The following WNK1 variants were observed in gnomAD, a reference collection of about 807,000 sequenced individuals.
WNK1 encodes WNK lysine deficient protein kinase 1, also known as serine/threonine-protein kinase WNK1.
WNK1 carries 38 observed loss-of-function variants against 222.8 expected under a neutral mutation model. The observed-to-expected ratio is 0.17, with a 90% CI of 0.13 to 0.22. The LOEUF is 0.22. Ranked by LOEUF, WNK1 falls within the 10% of genes least tolerant of loss-of-function variation. The probability of loss-of-function intolerance (pLI) is 1.00; values close to 1 mark genes in which losing one functional copy is unlikely to be tolerated. For missense variants in WNK1, 2,348 were observed against 2,918.4 expected (o/e 0.80, Z 4.50); for synonymous variants, 1,090 against 1,092.9 (o/e 1.00, Z 0.05).
At chr12:839,884 AT>A (rs781052888) in intron 4 of WNK1, among the ~76,000 whole-genome samples, 6,931 of 128,398 alleles carry the variant, frequency 0.054, 316 homozygotes, top group African/African-American at 0.12. Flanking sequence ...TGCCTGGCTA[AT>A]TTTTTTTTTT....
intron 22 of WNK1, among the ~76,000 whole-genome samples, chr12:893,892 T>C (rs190343575): frequency 3.7e-4 from 56 of 149,842 alleles, no homozygotes; most frequent in African/African-American, 1.3e-3. Flanking sequence ...CAGTGTTACA[T>C]TGAGAAAATA....
chr12:788,777 C>T (rs2153977763), intron 1 of WNK1, among the ~76,000 whole-genome samples: 1 of 151,796 alleles, frequency 6.6e-6, no homozygotes, highest in African/African-American at 2.4e-5. Context: ...ATCCCAGCTA[C>T]CCAGGAGGCT....
intron 1 of WNK1, among the ~76,000 whole-genome samples, chr12:760,996 G>C (rs1425333385): frequency 2.1e-5 from 3 of 144,804 alleles, no homozygotes; most frequent in African/African-American, 7.4e-5. Flanking sequence ...TGTTGGACAG[G>C]CTGGTCTCAA....
At chr12:902,358 G>C (rs1955340327) in intron 26 of WNK1, among the ~76,000 whole-genome samples, 1 of 152,054 alleles carries the variant, frequency 6.6e-6, no homozygotes, top group African/African-American at 2.4e-5. Flanking sequence ...CTTAGATCCT[G>C]GCAGCAGGTA....
At chr12:867,569 TA>T (rs1210912750) in intron 8 of WNK1, among the ~76,000 whole-genome samples, 3 of 152,224 alleles carry the variant, frequency 2.0e-5, no homozygotes, top group Non-Finnish European at 4.4e-5. Context: ...TAAGTGTGGG[TA>T]AAAACGAAAT....
intron 1 of WNK1, 114 bp from the exon 2 acceptor site, chr12:813,528 C>T: frequency 8.8e-7 from 1 of 1,139,592 alleles, no homozygotes. Flanking sequence ...TCAGCATTTG[C>T]ATTTTTTAAA....
At chr12:893,145 T>C (rs1353342004) in intron 22 of WNK1, among the ~76,000 whole-genome samples, 3 of 152,228 alleles carry the variant, frequency 2.0e-5, no homozygotes, top group Non-Finnish European at 4.4e-5. Flanking sequence ...TTGTTCTAGC[T>C]TCTCAGGAGG....
chr12:817,087 T>G (rs944556506), intron 2 of WNK1, among the ~76,000 whole-genome samples: 1 of 152,118 alleles, frequency 6.6e-6, no homozygotes, highest in African/African-American at 2.4e-5. Flanking sequence ...CTGAATTGAA[T>G]TGACAGGAAT....
intron 4 of WNK1, among the ~76,000 whole-genome samples, chr12:834,406 T>A (rs1949028794): frequency 6.6e-6 from 1 of 152,202 alleles, no homozygotes; most frequent in Admixed American, 6.5e-5. Flanking sequence ...TATCTGTTTA[T>A]AGGCTTTTGG....
Position 906,516 on chromosome 12 carries a change from G to A in WNK1, c.6644-1331G>A, listed in dbSNP as rs546705781. On this transcript the variant is annotated intron_variant, in intron 26 of 27. Coordinates refer to ENST00000315939, the MANE Select transcript of WNK1 (RefSeq NM_018979.4). ...GTGGGGAGAAGCGGTGGGAATCCTT[G>A]AGCCAATTGAAACTGAGGTCATCTT... is the stretch of plus-strand genomic sequence containing the variant. 1.5e-5 allele frequency: 15 copies of A among 985,236 alleles called. 2 individuals are homozygous for A. The South Asian group carries it at 6.1e-4, about 40-fold the overall frequency. 61.0% of individuals were successfully genotyped at this position (985,236 alleles called of 1,614,324 possible). A position where few individuals can be genotyped will look rare whatever the true frequency, so the allele number is the denominator to read the frequency against.
At chr12:853,963 C>T (rs982897312) in intron 4 of WNK1, among the ~76,000 whole-genome samples, 14 of 152,244 alleles carry the variant, frequency 9.2e-5, no homozygotes, top group Admixed American at 8.5e-4. Context: ...TGTGCCCATG[C>T]TGGTCTCAAA....
chr12:765,121 C>T (rs955430606), intron 1 of WNK1, among the ~76,000 whole-genome samples: 1 of 148,070 alleles, frequency 6.8e-6, no homozygotes, highest in East Asian at 1.9e-4. Context: ...TGAGCCACTG[C>T]GTCCAGCCTT....
chr12:753,546 C>T lies in WNK1; in HGVS notation c.-20C>T, dbSNP rs767609705. On this transcript the variant is annotated 5_prime_UTR_variant, in exon 1 of 28. Coordinates refer to ENST00000315939, the MANE Select transcript of WNK1 (RefSeq NM_018979.4). The surrounding 1 kb of genome is among the most constrained non-coding windows in gnomAD (Gnocchi z 5.2). Reference sequence around the variant, plus strand: ...CGTTCACGAATCCGAGCCCGCTCGCCTCTCTCCAGCGAACCGACCATGTCT... The same window carrying T: ...CGTTCACGAATCCGAGCCCGCTCGCTTCTCTCCAGCGAACCGACCATGTCT... 1.9e-5 allele frequency: 30 copies of T among 1,611,826 alleles called. No individual in the cohort carries two copies. The South Asian group carries it at 2.9e-4, about 15-fold the overall frequency.
In WNK1 at chr12:894,542, C is replaced by T; in HGVS notation, c.5510-20C>T. 6.2e-7 allele frequency: 1 copy of T among 1,603,862 alleles called. No homozygotes were observed. Among genetic ancestry groups the T allele is most frequent in the Non-Finnish European group, 8.5e-7 (1 of 1,170,772 alleles). ...TGGAAGGAGACACTTATGTTTTCCT[C>T]ATCCATGTATTTGTTTCAGTTTCTC... On this transcript the variant is annotated intron_variant, in intron 22 of 27. Transcript: ENST00000315939.
intron 1 of WNK1, 92 bp from the exon 2 acceptor site, chr12:813,550 A>T (rs1248464986): frequency 7.4e-7 from 1 of 1,353,542 alleles, no homozygotes; most frequent in African/African-American, 1.5e-5. Context: ...ACCATCGATC[A>T]TGATTTAGTA....
intron 9 of WNK1, among the ~76,000 whole-genome samples, chr12:875,360 GAAC>G (rs1300557169): frequency 6.6e-6 from 1 of 151,996 alleles, no homozygotes; most frequent in African/African-American, 2.4e-5. Context: ...CCTTTACTTT[GAAC>G]AACAACAAAC....
At chr12:786,770 T>C (rs1447169621) in intron 1 of WNK1, among the ~76,000 whole-genome samples, 1 of 152,160 alleles carries the variant, frequency 6.6e-6, no homozygotes, top group Non-Finnish European at 1.5e-5. Context: ...CCTGGCCCTT[T>C]ATCTTCTTTT....
chr12:792,333 G>A (rs550687429), intron 1 of WNK1, among the ~76,000 whole-genome samples: 2 of 126,176 alleles, frequency 1.6e-5, no homozygotes, highest in East Asian at 4.4e-4. Flanking sequence ...TTTTTTTTGA[G>A]GCGGAGTCTC....
chr12:896,177 G>T lies in WNK1; in HGVS notation c.5690G>T (p.Ser1897Ile). ...SSTSESSVLS[S>I]SSPESTLVKP... is the part of the protein sequence containing the mutation. ...ACCTCAGAGTCCTCAGTGCTATCAA[G>T]TAGTAGTCCAGAGAGTACCTTGGTG... Residue 1897 changes from serine to isoleucine, a missense_variant, in exon 24 of 28, where the codon AGT becomes ATT. Ser to Ile is a moderately radical substitution (Grantham distance 142). Around this residue, in one of 13 missense-constraint regions of WNK1, gnomAD observed 1,144 missense variants for 1,273.6 expected, o/e 0.90. Transcript: ENST00000315939. 1.9e-6 allele frequency: 3 copies of T among 1,614,168 alleles called. No homozygotes were observed. Among genetic ancestry groups the T allele is most frequent in the Non-Finnish European group, 2.5e-6 (3 of 1,180,030 alleles).
Sources: gnomAD v4.1 joint callset for allele counts (sites outside exome capture counted in the v4.1 genomes callset) on GRCh38, gnomAD v4.1.1 for gene constraint, gnomAD v4.1.1 regional missense constraint, Gnocchi (gnomAD v3.1) non-coding constraint, MANE v1.5 for transcripts, NCBI Gene and HGNC (gene_info 2026-07-23, HGNC 2026-07-21) for gene names.